FGF7: variants seen among roughly 807,000 people sequenced by gnomAD.
FGF7 encodes fibroblast growth factor 7, also known as FGF-7.
FGF7 carries 6 observed loss-of-function variants against 20.5 expected under a neutral mutation model. The ratio of observed to expected loss-of-function variants is 0.29; its 90% confidence interval spans 0.16 to 0.58. The LOEUF is 0.58. Among genes scored for constraint, FGF7 ranks in the 20% least tolerant of loss-of-function variants. FGF7 has a pLI of 0.90. For missense variants in FGF7, 144 were observed against 228.8 expected, an observed-to-expected ratio of 0.63 and a Z score of 2.39; for synonymous variants, 64 against 74.7, an observed-to-expected ratio of 0.86 and a Z score of 0.74.
intron 2 of FGF7, among the ~76,000 whole-genome samples, chr15:49,462,573 T>C (rs1361200280): frequency 2.0e-5 from 3 of 152,208 alleles, no homozygotes; most frequent in Non-Finnish European, 4.4e-5. Context: ...TCCACTTTCG[T>C]TGGCACAGAA....
At chr15:49,460,136 T>C (rs1231554952) in intron 2 of FGF7, among the ~76,000 whole-genome samples, 3 of 152,076 alleles carry the variant, frequency 2.0e-5, no homozygotes, top group East Asian at 1.9e-4. Flanking sequence ...TCAGGTATCA[T>C]GGAAGAGGCA....
chr15:49,451,802 A>G (rs1380440170), intron 2 of FGF7, among the ~76,000 whole-genome samples: 1 of 152,172 alleles, frequency 6.6e-6, no homozygotes, highest in Admixed American at 6.5e-5. Flanking sequence ...ATACTTATAT[A>G]GCAATCAAGA....
At chr15:49,464,345 A>C (rs2054075679) in intron 2 of FGF7, among the ~76,000 whole-genome samples, 1 of 152,208 alleles carries the variant, frequency 6.6e-6, no homozygotes. Flanking sequence ...AGTTTGAATT[A>C]ATATTTTAAA....
chr15:49,459,043 T>A (rs931002852), intron 2 of FGF7, among the ~76,000 whole-genome samples: 1 of 152,212 alleles, frequency 6.6e-6, no homozygotes, highest in African/African-American at 2.4e-5. Flanking sequence ...GTCATATAAC[T>A]AATACTCAAC....
intron 2 of FGF7, among the ~76,000 whole-genome samples, chr15:49,471,484 A>AAAT (rs201297260): frequency 0.17 from 23,767 of 137,628 alleles, 2,266 homozygotes; most frequent in East Asian, 0.32. Context: ...CTCTATCTCA[A>AAAT]AATAATAATA....
At chr15:49,446,184 A>G (rs2052191707) in intron 2 of FGF7, among the ~76,000 whole-genome samples, 2 of 151,734 alleles carry the variant, frequency 1.3e-5, no homozygotes, top group South Asian at 4.1e-4. Flanking sequence ...TCACTGATAA[A>G]TATGGGAACA....
intron 2 of FGF7, among the ~76,000 whole-genome samples, chr15:49,439,324 CAG>C (rs144638662): frequency 1.3e-5 from 2 of 150,078 alleles, no homozygotes; most frequent in Non-Finnish European, 1.5e-5. Context: ...GAAAGGGAGG[CAG>C]AGAGAGAGAG....
rs1013539824 is a variant in FGF7 at position 49,486,185 on chromosome 15, T to A, written c.*1681T>A. Reference sequence around the variant, plus strand: ...GTCCCTTTACATAAATAGTATTTGGTAATACATTTATAGATGAGAGTTATA... The same window carrying A: ...GTCCCTTTACATAAATAGTATTTGGAAATACATTTATAGATGAGAGTTATA... On this transcript the variant is annotated 3_prime_UTR_variant, in exon 4 of 4. Coordinates refer to ENST00000267843, the MANE Select transcript of FGF7 (RefSeq NM_002009.4). 3.3e-5 allele frequency: 5 copies of A among 152,082 alleles called. No individual in the cohort carries two copies. The highest frequency in any genetic ancestry group is 9.6e-5 in the African/African-American group (4 of 41,452). 9.4% of individuals were successfully genotyped at this position (152,082 alleles called of 1,614,324 possible).
At chr15:49,466,573 TTATAACA>T (rs1257138967) in intron 2 of FGF7, among the ~76,000 whole-genome samples, 1 of 152,134 alleles carries the variant, frequency 6.6e-6, no homozygotes, top group Non-Finnish European at 1.5e-5. Context: ...AGAGTAACCT[TTATAACA>T]TATATCTTAT....
chr15:49,464,686 A>G (rs2054106402), intron 2 of FGF7, among the ~76,000 whole-genome samples: 1 of 152,208 alleles, frequency 6.6e-6, no homozygotes, highest in South Asian at 2.1e-4. Context: ...ATGTTATCTT[A>G]ATGTGCAGTG....
intron 2 of FGF7, 92 bp from the exon 3 acceptor site, chr15:49,483,059 C>T (rs1275114413): frequency 1.9e-5 from 15 of 785,902 alleles, no homozygotes; most frequent in Admixed American, 1.4e-4. Context: ...TAAAAACTTC[C>T]GATTAAAACA....
At chr15:49,427,759 G>A (rs2050251111) in intron 2 of FGF7, among the ~76,000 whole-genome samples, 3 of 151,844 alleles carry the variant, frequency 2.0e-5, no homozygotes, top group Admixed American at 2.0e-4. Flanking sequence ...AATATGGATT[G>A]GAGCTAGCAG....
At chr15:49,437,125 A>C (rs995089843) in intron 2 of FGF7, among the ~76,000 whole-genome samples, 1 of 151,558 alleles carries the variant, frequency 6.6e-6, no homozygotes, top group Non-Finnish European at 1.5e-5. Context: ...GGTCTGGAAA[A>C]TTGTTATAGA....
At chr15:49,478,633 T>C (rs887979123) in intron 2 of FGF7, among the ~76,000 whole-genome samples, 1 of 152,178 alleles carries the variant, frequency 6.6e-6, no homozygotes, top group South Asian at 2.1e-4. Flanking sequence ...AATGTTCTGA[T>C]TGGCTAACCA....
chr15:49,445,499 A>G (rs8031680), intron 2 of FGF7, among the ~76,000 whole-genome samples: 134,590 of 151,436 alleles, frequency 0.89, 61,678 homozygotes, highest in Non-Finnish European at 0.99. Flanking sequence ...TAAAACAAAC[A>G]GACCTTTTGC....
intron 2 of FGF7, among the ~76,000 whole-genome samples, chr15:49,462,440 T>C (rs2053887523): frequency 2.6e-5 from 4 of 152,206 alleles, no homozygotes; most frequent in Admixed American, 6.5e-5. Flanking sequence ...AGTCCAGAAG[T>C]ATTTTTAGTC....
At chr15:49,475,957 A>T (rs1350049813) in intron 2 of FGF7, among the ~76,000 whole-genome samples, 1 of 152,014 alleles carries the variant, frequency 6.6e-6, no homozygotes, top group Non-Finnish European at 1.5e-5. Flanking sequence ...CTCTTTTTCC[A>T]CCCTCTCACT....
chr15:49,429,058 G>A (rs1338010769), intron 2 of FGF7, among the ~76,000 whole-genome samples: 1 of 151,960 alleles, frequency 6.6e-6, no homozygotes, highest in African/African-American at 2.4e-5. Context: ...TCTGAATATG[G>A]AGATGGTAAA....
At chr15:49,480,324 A>G (rs1407049126) in intron 2 of FGF7, among the ~76,000 whole-genome samples, 1 of 151,932 alleles carries the variant, frequency 6.6e-6, no homozygotes. Context: ...TTTATCTATT[A>G]TTTTGAGACA....
Sources: allele counts gnomAD v4.1 joint callset (sites outside exome capture counted in the v4.1 genomes callset), GRCh38; gene constraint gnomAD v4.1.1; transcripts MANE v1.5; gene names NCBI Gene and HGNC (gene_info 2026-07-23, HGNC 2026-07-21).